The following LIMK2 variants were observed in gnomAD, a reference collection of about 807,000 sequenced individuals.
LIMK2 encodes LIM domain kinase 2.
In LIMK2, 35 loss-of-function variants were observed where a neutral mutation model predicts 75.7. The observed-to-expected ratio is 0.46, with a 90% CI of 0.35 to 0.61. The LOEUF (loss-of-function observed/expected upper bound fraction) is 0.61, where lower values mean the gene tolerates loss of function less well. Ranked by LOEUF, LIMK2 falls within the 20% of genes least tolerant of loss-of-function variation. The pLI is 0.00. For missense variants in LIMK2, 623 were observed against 831.0 expected (o/e 0.75, Z 3.08); for synonymous variants, 301 against 319.2 (o/e 0.94, Z 0.61).
intron 2 of LIMK2, among the ~76,000 whole-genome samples, chr22:31,240,298 G>C (rs1283137793): frequency 6.6e-6 from 1 of 152,214 alleles, no homozygotes; most frequent in Non-Finnish European, 1.5e-5. Context: ...ACTGCCATCA[G>C]TAGCACTGAC....
intron 2 of LIMK2, among the ~76,000 whole-genome samples, chr22:31,249,254 G>A (rs989766389): frequency 2.0e-5 from 3 of 152,196 alleles, no homozygotes; most frequent in East Asian, 1.9e-4. Flanking sequence ...CCTTATAAAC[G>A]TTTGTTCTCT....
chr22:31,245,413 T>A (rs2048659279), intron 2 of LIMK2, among the ~76,000 whole-genome samples: 1 of 152,220 alleles, frequency 6.6e-6, no homozygotes, highest in Non-Finnish European at 1.5e-5. Context: ...GCGATTCTCC[T>A]GTCTCAGCCT....
chr22:31,263,687 T>A (rs2413044), intron 7 of LIMK2, among the ~76,000 whole-genome samples: 42,713 of 150,170 alleles, frequency 0.28, 8,473 homozygotes, highest in African/African-American at 0.56. Context: ...AAAAAAAAAA[T>A]AATAATAATA....
chr22:31,228,262 G>GA (rs961928386), intron 2 of LIMK2, among the ~76,000 whole-genome samples: 4 of 151,902 alleles, frequency 2.6e-5, no homozygotes, highest in Non-Finnish European at 4.4e-5. Flanking sequence ...ACTAAATACA[G>GA]AAAAAAATTA....
intron 8 of LIMK2, 86 bp downstream of exon 8, chr22:31,266,218 C>A: frequency 7.4e-7 from 1 of 1,347,944 alleles, no homozygotes; most frequent in Non-Finnish European, 1.0e-6. Context: ...CTTGGCCCCA[C>A]CCCACACCAT....
At position 31,266,976 on chromosome 22, in the gene LIMK2, C is replaced by T; in HGVS notation, c.1042-8C>T. The T allele has an allele frequency of 6.3e-6, 10 of 1,597,958 alleles. No homozygotes were observed. The highest frequency in any genetic ancestry group is 1.1e-5 in the South Asian group (1 of 89,564). ...TCTCAGCACCATTAACAGTCACCCT[C>T]CCTGTAGGTGACACACAAAGCCACG... On this transcript the variant is annotated splice_region_variant and splice_polypyrimidine_tract_variant and intron_variant, in intron 8 of 15. Coordinates refer to ENST00000331728, the MANE Select transcript of LIMK2 (RefSeq NM_005569.4).
chr22:31,239,077 G>A (rs1022520494), intron 2 of LIMK2, among the ~76,000 whole-genome samples: 42 of 152,206 alleles, frequency 2.8e-4, no homozygotes, highest in African/African-American at 1.0e-3. Context: ...TGACAAGGCA[G>A]TAGAGATGTG....
chr22:31,219,659 C>A (rs1049533626), intron 1 of LIMK2, among the ~76,000 whole-genome samples: 3 of 152,256 alleles, frequency 2.0e-5, no homozygotes, highest in African/African-American at 7.2e-5. Flanking sequence ...GCAAGCTCCA[C>A]CTCCCGGGTT....
rs145908769 is a variant in LIMK2 at position 31,266,073 on chromosome 22, C to G, written c.982C>G (p.Pro328Ala). 349 of 1,614,094 alleles carry G rather than the reference C, an allele frequency of 2.2e-4. 1 individual carries two copies. The highest frequency in any genetic ancestry group is 3.2e-5 in the Non-Finnish European group (38 of 1,180,038). Residue 328 changes from proline (P) to alanine (A), a missense_variant, in exon 8 of 16, where the codon CCC becomes GCC. Around this residue, in one of 3 missense-constraint regions of LIMK2, gnomAD observed 514 missense variants for 661.3 expected, o/e 0.78. Transcript: ENST00000331728. ...SSSYSQQIFR[P>A]CDLIHGEVLG... The stretch of plus-strand genomic sequence containing the variant: ...CAGCTATTCACAGCAGATCTTCCGG[C>G]CCTGTGACCTAATCCATGGGGAGGT...
intron 1 of LIMK2, among the ~76,000 whole-genome samples, chr22:31,213,911 G>A (rs2048369258): frequency 6.6e-6 from 1 of 151,692 alleles, no homozygotes; most frequent in South Asian, 2.1e-4. Flanking sequence ...TGCCTCCCGG[G>A]TTCAAGCGAT....
chr22:31,267,750 C>A, intron 9 of LIMK2, 26 bp from the exon 10 acceptor site: 1 of 1,570,456 alleles, frequency 6.4e-7, no homozygotes, highest in Non-Finnish European at 8.6e-7. Flanking sequence ...TAACCACCAG[C>A]TTTCCTTGGC....
At chr22:31,218,306 T>C (rs901505623) in intron 1 of LIMK2, among the ~76,000 whole-genome samples, 2 of 152,126 alleles carry the variant, frequency 1.3e-5, no homozygotes, top group Non-Finnish European at 2.9e-5. Flanking sequence ...ACACATACAT[T>C]TACCCCTCAC....
chr22:31,261,531 G>A (rs1483021779), intron 5 of LIMK2, among the ~76,000 whole-genome samples: 1 of 130,202 alleles, frequency 7.7e-6, no homozygotes, highest in African/African-American at 2.8e-5. Flanking sequence ...GAGCGACAGA[G>A]CGAGACTCCA....
At chr22:31,233,601 G>C (rs560713275) in intron 2 of LIMK2, among the ~76,000 whole-genome samples, 2 of 152,094 alleles carry the variant, frequency 1.3e-5, no homozygotes, top group Non-Finnish European at 2.9e-5. Context: ...TTTCCACTGA[G>C]TTCTAGACCC....
chr22:31,276,330 C>T (rs1395821571), intron 15 of LIMK2, among the ~76,000 whole-genome samples: 1 of 152,164 alleles, frequency 6.6e-6, no homozygotes, highest in East Asian at 1.9e-4. Flanking sequence ...AATACGTCTT[C>T]TGTAATCTCC....
chr22:31,272,730 C>G (rs1369945660), intron 13 of LIMK2, 26 bp downstream of exon 13: 2 of 1,562,084 alleles, frequency 1.3e-6, no homozygotes, highest in African/African-American at 1.4e-5. Context: ...CTGGAGGGGA[C>G]ACCCGCAGAG....
intron 2 of LIMK2, among the ~76,000 whole-genome samples, chr22:31,253,057 A>C (rs2048741759): frequency 2.0e-5 from 3 of 152,236 alleles, no homozygotes; most frequent in Non-Finnish European, 4.4e-5. Context: ...TATCTGCCCA[A>C]GCCCTCAGAA....
At chr22:31,267,105 C>CA (rs1259000575) in intron 9 of LIMK2, 35 bp downstream of exon 9, 1 of 1,257,872 alleles carries the variant, frequency 7.9e-7, no homozygotes, top group East Asian at 2.4e-5. Flanking sequence ...AGGTTGGTGT[C>CA]ACCATTGGAA....
chr22:31,240,073 T>C (rs1171714411), intron 2 of LIMK2, among the ~76,000 whole-genome samples: 1 of 152,164 alleles, frequency 6.6e-6, no homozygotes, highest in Non-Finnish European at 1.5e-5. Context: ...TGTTTTTCAT[T>C]TTTCCCCCAA....
Sources: allele counts gnomAD v4.1 joint callset (sites outside exome capture counted in the v4.1 genomes callset), GRCh38; gene constraint gnomAD v4.1.1; regional missense constraint gnomAD v4.1.1; transcripts MANE v1.5; gene names NCBI Gene and HGNC (gene_info 2026-07-23, HGNC 2026-07-21).